The following CA1 variants were observed in gnomAD, a reference collection of about 807,000 sequenced individuals.
CA1 encodes the protein carbonate dehydratase I.
Under a neutral mutation model 28.8 loss-of-function variants are expected in CA1, and 27 were observed. That is an observed-to-expected ratio of 0.94 (90% CI 0.69 to 1.29). CA1 has a LOEUF of 1.29. Among genes scored for constraint, CA1 ranks in the 50% most tolerant of loss-of-function variants. The pLI, the probability that CA1 is intolerant of heterozygous loss-of-function variation, is 0.00. For missense variants in CA1, 335 were observed against 310.5 expected (o/e 1.08, Z -0.59); for synonymous variants, 121 against 108.8 (o/e 1.11, Z -0.70).
At chr8:85,377,695 C>T (rs1310795022) in intron 1 of CA1, among the ~76,000 whole-genome samples, 1 of 150,986 alleles carries the variant, frequency 6.6e-6, no homozygotes, top group African/African-American at 2.4e-5. Context: ...CCCAGCTACT[C>T]GGGAGGCTGA....
chr8:85,375,819 C>A (rs1204524230), intron 1 of CA1, among the ~76,000 whole-genome samples: 2 of 152,076 alleles, frequency 1.3e-5, no homozygotes, highest in Non-Finnish European at 2.9e-5. Context: ...GAGCTTGATG[C>A]AAATGTAGGT....
chr8:85,365,140 T>C (rs1401271903), intron 1 of CA1, among the ~76,000 whole-genome samples: 1 of 152,160 alleles, frequency 6.6e-6, no homozygotes, highest in African/African-American at 2.4e-5. Context: ...CACCGGTATA[T>C]AAAAGGGTGA....
intron 5 of CA1, among the ~76,000 whole-genome samples, chr8:85,332,787 T>G (rs1176964037): frequency 6.6e-6 from 1 of 152,172 alleles, no homozygotes; most frequent in African/African-American, 2.4e-5. Context: ...GATTTAAACT[T>G]AATTATTGGC....
intron 1 of CA1, chr8:85,349,693 C>G (rs780273694): frequency 6.6e-6 from 1 of 152,208 alleles, no homozygotes; most frequent in Non-Finnish European, 1.5e-5. Flanking sequence ...CCTACTGAGG[C>G]TCTTTCAGGG....
chr8:85,331,678 G>A (rs1564019058), intron 6 of CA1, among the ~76,000 whole-genome samples: 1 of 151,806 alleles, frequency 6.6e-6, no homozygotes, highest in Non-Finnish European at 1.5e-5. Flanking sequence ...GGCTGGTCTT[G>A]AACTCCTGAC....
chr8:85,362,861 A>G lies in CA1; in HGVS notation c.-25+15185T>C, dbSNP rs140976299. On this transcript the variant is annotated intron_variant, in intron 1 of 7. Transcript: ENST00000523022. ...TTATATTATTTTGATGAAAATATCAATGCTGATATTAGCAATAGATACCTG... is the reference window on the plus strand; with the variant it reads ...TTATATTATTTTGATGAAAATATCAGTGCTGATATTAGCAATAGATACCTG... 5.5e-4 allele frequency among the ~76,000 whole-genome samples: 84 copies of G among 152,302 alleles called. No individual in the cohort carries two copies. In the East Asian group the frequency reaches 0.015, roughly 27 times the overall value.
rs1175385482 is a variant in CA1, at chr8:85,350,528, G to C, written c.-24-8869C>G. Among the ~76,000 whole-genome samples the C allele has an allele frequency of 2.0e-5, 3 of 152,164 alleles. No homozygotes were observed. The East Asian group carries it at 5.8e-4, about 29-fold the overall frequency. Reference sequence around the variant, plus strand: ...TAATAGTCCTAATTCCTTTAAGACTGTCCCGGACTCTGCCTTTAACTAGTT... The same window carrying C: ...TAATAGTCCTAATTCCTTTAAGACTCTCCCGGACTCTGCCTTTAACTAGTT... On this transcript the variant is annotated intron_variant, in intron 1 of 7. Coordinates refer to ENST00000523022, the MANE Select transcript of CA1 (RefSeq NM_001128831.4).
At chr8:85,357,574 T>G (rs765138257) in intron 1 of CA1, among the ~76,000 whole-genome samples, 11 of 152,218 alleles carry the variant, frequency 7.2e-5, no homozygotes, top group Non-Finnish European at 1.5e-5. Flanking sequence ...AAAATCTCTT[T>G]TTTTATTATT....
At chr8:85,331,110 G>C (rs1018718928) in intron 6 of CA1, among the ~76,000 whole-genome samples, 2 of 152,050 alleles carry the variant, frequency 1.3e-5, no homozygotes, top group Admixed American at 1.3e-4. Context: ...GATACATTTT[G>C]ACTATTGTTT....
intron 1 of CA1, among the ~76,000 whole-genome samples, chr8:85,371,868 T>TTG (rs1204185009): frequency 1.3e-5 from 2 of 152,122 alleles, no homozygotes; most frequent in Non-Finnish European, 2.9e-5. Flanking sequence ...GCTAAAAGAA[T>TTG]TGTGGCCTGT....
intron 1 of CA1, among the ~76,000 whole-genome samples, chr8:85,377,540 C>T (rs149761173): frequency 2.6e-5 from 4 of 152,316 alleles, no homozygotes; most frequent in East Asian, 1.9e-4. Flanking sequence ...CACAGTGGCT[C>T]ACGCCTCTAG....
chr8:85,332,638 A>G, intron 5 of CA1, 86 bp from the exon 6 acceptor site: 2 of 938,420 alleles, frequency 2.1e-6, no homozygotes, highest in Non-Finnish European at 1.7e-6. Flanking sequence ...TTTTTCAATT[A>G]ACAACTGACA....
At chr8:85,357,545 G>A (rs1291413938) in intron 1 of CA1, among the ~76,000 whole-genome samples, 2 of 152,092 alleles carry the variant, frequency 1.3e-5, no homozygotes, top group Non-Finnish European at 2.9e-5. Context: ...ATGAGAGGTG[G>A]TATCTAATGA....
chr8:85,355,963 G>T (rs1532424), intron 1 of CA1, among the ~76,000 whole-genome samples: 89,642 of 151,682 alleles, frequency 0.59, 26,950 homozygotes, highest in African/African-American at 0.66. Context: ...CCATGACAAC[G>T]TGTGGACTGA....
In CA1 at chr8:85,378,026, C is replaced by CAGA. The variant is rs1401292234; in HGVS notation, c.-25+17_-25+19dup. The CAGA allele has an allele frequency of 1.3e-5, 2 of 152,214 alleles. No homozygotes were observed. Among genetic ancestry groups the CAGA allele is most frequent in the East Asian group, 3.9e-4 (2 of 5,184 alleles). 9.4% of individuals were successfully genotyped at this position (152,214 alleles called of 1,614,324 possible). On this transcript the variant is annotated intron_variant, in intron 1 of 7. Coordinates refer to ENST00000523022, the MANE Select transcript of CA1 (RefSeq NM_001128831.4). ...CTTCAATGCTCAGCTAGATGAAAGG[C>CAGA]AGAAGTCTTTGTTACTTACAGCTCT...
chr8:85,329,137 C>G (rs1336468930), intron 7 of CA1, among the ~76,000 whole-genome samples: 2 of 152,158 alleles, frequency 1.3e-5, no homozygotes. Context: ...CAGTTAGCAA[C>G]AGGCTACAAT....
At chr8:85,361,119 ACT>A (rs1452371780) in intron 1 of CA1, among the ~76,000 whole-genome samples, 1 of 152,118 alleles carries the variant, frequency 6.6e-6, no homozygotes, top group Non-Finnish European at 1.5e-5. Flanking sequence ...GCCAGTAATA[ACT>A]CTGAGGCTCA....
At chr8:85,354,722 C>T (rs1809541873) in intron 1 of CA1, among the ~76,000 whole-genome samples, 1 of 152,116 alleles carries the variant, frequency 6.6e-6, no homozygotes, top group South Asian at 2.1e-4. Flanking sequence ...TTATAAATAG[C>T]TCTCCAGGAC....
At chr8:85,376,056 CATG>C (rs1810403944) in intron 1 of CA1, among the ~76,000 whole-genome samples, 1 of 152,148 alleles carries the variant, frequency 6.6e-6, no homozygotes, top group Admixed American at 6.5e-5. Context: ...AGAAGCTGGG[CATG>C]GTGGCTCATG....
Sources: allele counts gnomAD v4.1 joint callset (sites outside exome capture counted in the v4.1 genomes callset), GRCh38; gene constraint gnomAD v4.1.1; transcripts MANE v1.5; gene names NCBI Gene and HGNC (gene_info 2026-07-23, HGNC 2026-07-21).